DACH2: variants seen among roughly 807,000 people sequenced by gnomAD.
DACH2 encodes the protein dachshund family transcription factor 2, also known as dachshund homolog 2.
In DACH2, 17 loss-of-function variants were observed where a neutral mutation model predicts 35.8. The ratio of observed to expected loss-of-function variants is 0.48; its 90% CI spans 0.33 to 0.71. The LOEUF is 0.71. Ranked by LOEUF, DACH2 falls within the 30% of genes least tolerant of loss-of-function variation. The pLI, the probability that DACH2 is intolerant of heterozygous loss-of-function variation, is 0.02. For synonymous variants in DACH2, 195 were observed against 177.3 expected, an observed-to-expected ratio of 1.10 and a Z score of -0.79; for missense variants, 469 against 472.7, an observed-to-expected ratio of 0.99 and a Z score of 0.07.
At chrX:86,524,312 G>A (rs2038600075) in intron 3 of DACH2, among the ~76,000 whole-genome samples, 1 of 112,201 alleles carries the variant, frequency 8.9e-6, no homozygotes, top group African/African-American at 3.2e-5. Flanking sequence ...AGGAGTGAAA[G>A]CAGTGAAGCT....
intron 2 of DACH2, among the ~76,000 whole-genome samples, chrX:86,479,456 T>G (rs190400778): frequency 1.8e-5 from 2 of 111,408 alleles, no homozygotes; most frequent in African/African-American, 6.5e-5. Flanking sequence ...GAGGTAGTCT[T>G]TTTTGGGGTT....
intron 1 of DACH2, among the ~76,000 whole-genome samples, chrX:86,291,977 T>A (rs1602365853): frequency 1.4e-5 from 1 of 69,470 alleles, no homozygotes; most frequent in African/African-American, 6.9e-5. Flanking sequence ...TTTCTATTGA[T>A]TGGAATAGTT....
intron 7 of DACH2, among the ~76,000 whole-genome samples, chrX:86,743,703 C>T (rs1352517426): frequency 9.0e-6 from 1 of 110,882 alleles, no homozygotes; most frequent in Non-Finnish European, 1.9e-5. Flanking sequence ...GGTTGGTTTC[C>T]TTGCCACATG....
intron 2 of DACH2, among the ~76,000 whole-genome samples, chrX:86,478,893 C>T (rs2037891735): frequency 9.0e-6 from 1 of 111,382 alleles, no homozygotes; most frequent in South Asian, 3.8e-4. Flanking sequence ...ATTAGATCCT[C>T]TGCCTTATTG....
At chrX:86,312,970 G>A in intron 1 of DACH2, among the ~76,000 whole-genome samples, 1 of 111,477 alleles carries the variant, frequency 9.0e-6, no homozygotes, top group Admixed American at 9.6e-5. Flanking sequence ...CTAGATAAGA[G>A]GAATAATTTC....
chrX:86,818,318 C>A (rs1470600461), intron 11 of DACH2, among the ~76,000 whole-genome samples: 1 of 110,887 alleles, frequency 9.0e-6, no homozygotes, highest in African/African-American at 3.3e-5. Flanking sequence ...TTCTTTTAGC[C>A]AGGAAAATAG....
intron 3 of DACH2, among the ~76,000 whole-genome samples, chrX:86,641,332 A>G (rs944699112): frequency 1.8e-5 from 2 of 112,203 alleles, no homozygotes; most frequent in African/African-American, 6.5e-5. Flanking sequence ...GCAGCAGAAT[A>G]AACCAAGTTG....
At chrX:86,177,980 A>G (rs966677387) in intron 1 of DACH2, among the ~76,000 whole-genome samples, 1 of 111,530 alleles carries the variant, frequency 9.0e-6, no homozygotes, top group African/African-American at 3.3e-5. Context: ...AAAGCAAAGT[A>G]AAACAAACAA....
At chrX:86,704,090 G>A (rs1277122155) in intron 5 of DACH2, among the ~76,000 whole-genome samples, 2 of 111,860 alleles carry the variant, frequency 1.8e-5, no homozygotes, top group African/African-American at 6.5e-5. Flanking sequence ...AACCAAAACA[G>A]CATGGTACTT....
intron 3 of DACH2, among the ~76,000 whole-genome samples, chrX:86,558,312 T>G (rs1349437591): frequency 2.3e-5 from 1 of 44,412 alleles, no homozygotes; most frequent in Non-Finnish European, 3.7e-5. Context: ...GTGGATAAGC[T>G]TTTTGATGTG....
chrX:86,315,857 ATT>A (rs2148030521), intron 1 of DACH2, among the ~76,000 whole-genome samples: 1 of 105,979 alleles, frequency 9.4e-6, no homozygotes, highest in African/African-American at 3.5e-5. Flanking sequence ...AGAGAGGGAG[ATT>A]GGAGCAGGAG....
At chrX:86,489,841 T>C (rs2038070135) in intron 2 of DACH2, among the ~76,000 whole-genome samples, 1 of 111,529 alleles carries the variant, frequency 9.0e-6, no homozygotes, top group Admixed American at 9.6e-5. Context: ...AAGGAGAAAA[T>C]TACTCTGGAT....
chrX:86,671,607 G>A (rs1423493690), intron 4 of DACH2, among the ~76,000 whole-genome samples: 7 of 111,266 alleles, frequency 6.3e-5, no homozygotes, highest in African/African-American at 1.6e-4. Flanking sequence ...TTTGCCTTCC[G>A]CCATGATTGT....
At chrX:86,322,272 A>G (rs1210009400) in intron 1 of DACH2, among the ~76,000 whole-genome samples, 1 of 111,579 alleles carries the variant, frequency 9.0e-6, no homozygotes, top group Non-Finnish European at 1.9e-5. Flanking sequence ...GTGCAAAAGA[A>G]AATGAGCAGC....
chrX:86,445,563 G>GA (rs1180782349), intron 2 of DACH2, among the ~76,000 whole-genome samples: 2 of 11,953 alleles, frequency 1.7e-4, no homozygotes, highest in African/African-American at 6.1e-4. Flanking sequence ...CCATCAGAGT[G>GA]AACAAAAAAA....
chrX:86,751,417 AAC>A lies in DACH2; in HGVS notation c.1240+11541_1240+11542del, dbSNP rs377507707. Among the ~76,000 whole-genome samples the A allele has an allele frequency of 5.1e-3, 567 of 111,451 alleles. 1 individual carries two copies. The highest frequency in any genetic ancestry group is 0.018 in the African/African-American group (546 of 30,741). ...AGACTAGTGTGAAAAAAAAATCAAC[AAC>A]ACACAATTATCTCAACAGAGGCAGA... is the stretch of plus-strand genomic sequence containing the variant. On this transcript the variant is annotated intron_variant, in intron 7 of 11. Coordinates refer to ENST00000373125, the MANE Select transcript of DACH2 (RefSeq NM_053281.3).
chrX:86,661,949 A>C (rs1419639618), intron 4 of DACH2, among the ~76,000 whole-genome samples: 1 of 112,190 alleles, frequency 8.9e-6, no homozygotes, highest in African/African-American at 3.2e-5. Context: ...AAGTAGCAGA[A>C]ACTTTAATGC....
chrX:86,715,230 G>T (rs1303337726), intron 6 of DACH2, among the ~76,000 whole-genome samples: 3 of 111,455 alleles, frequency 2.7e-5, no homozygotes, highest in African/African-American at 9.8e-5. Context: ...AATAATCTAT[G>T]CTGCTTATTT....
intron 1 of DACH2, chrX:86,160,899 T>A (rs2147863255): frequency 1.6e-6 from 1 of 628,830 alleles, no homozygotes; most frequent in Non-Finnish European, 2.7e-6. Context: ...TTTGTGGACA[T>A]CCTGGAGAGG....
Sources: allele counts gnomAD v4.1 joint callset (sites outside exome capture counted in the v4.1 genomes callset), GRCh38; gene constraint gnomAD v4.1.1; transcripts MANE v1.5; gene names NCBI Gene and HGNC (gene_info 2026-07-23, HGNC 2026-07-21).